Variants in GPHN observed in about 807,000 individuals in gnomAD.
GPHN encodes gephyrin.
Under a neutral mutation model 95.5 loss-of-function variants are expected in GPHN, and 17 were observed. The ratio of observed to expected loss-of-function variants is 0.18; its 90% confidence interval spans 0.12 to 0.27. The LOEUF is 0.27. Among genes scored for constraint, GPHN ranks in the 10% least tolerant of loss-of-function variants. GPHN has a pLI of 1.00. For missense variants in GPHN, 660 were observed against 978.1 expected, an observed-to-expected ratio of 0.67 and a Z score of 4.34; for synonymous variants, 320 against 322.5, an observed-to-expected ratio of 0.99 and a Z score of 0.08.
chr14:67,412,555 G>C, the GPHN span, among the ~76,000 whole-genome samples: 1 of 152,088 alleles, frequency 6.6e-6, no homozygotes, highest in Non-Finnish European at 1.5e-5. Context: ...GCCTCTGATG[G>C]GGGCAGAGAA....
the GPHN span, chr14:67,600,259 T>A: frequency 3.5e-6 from 5 of 1,418,572 alleles, no homozygotes; most frequent in Non-Finnish European, 4.7e-6. Flanking sequence ...TCGCCGGCCC[T>A]GGCCGTCTCG....
chr14:66,639,849 A>T (rs1159538736), intron 1 of GPHN, among the ~76,000 whole-genome samples: 1 of 152,166 alleles, frequency 6.6e-6, no homozygotes, highest in Admixed American at 6.5e-5. Flanking sequence ...ATATATACAT[A>T]TGAAATTTTG....
At chr14:67,725,119 T>C in the GPHN span, 1 of 1,614,190 alleles carries the variant, frequency 6.2e-7, no homozygotes, top group Non-Finnish European at 8.5e-7. Flanking sequence ...CTATATTGCC[T>C]GCAGAGATGT....
At chr14:67,520,478 A>C in the GPHN span, among the ~76,000 whole-genome samples, 25 of 152,342 alleles carry the variant, frequency 1.6e-4, no homozygotes, top group African/African-American at 6.0e-4. Flanking sequence ...AGTAATATAC[A>C]TTTAAGTTGC....
intron 9 of GPHN, among the ~76,000 whole-genome samples, chr14:67,020,475 A>T (rs745365006): frequency 6.6e-6 from 1 of 151,998 alleles, no homozygotes; most frequent in East Asian, 1.9e-4. Flanking sequence ...TGTTCCTTAC[A>T]TTTATTATGT....
chr14:67,338,597 CT>C, the GPHN span: 1 of 1,605,264 alleles, frequency 6.2e-7, no homozygotes. Flanking sequence ...GTTAGGGTTT[CT>C]CAAAGAACCA....
chr14:67,123,929 C>T (rs182001020), intron 17 of GPHN, among the ~76,000 whole-genome samples: 80 of 152,260 alleles, frequency 5.3e-4, no homozygotes, highest in Admixed American at 1.1e-3. Context: ...AAACCTTGGA[C>T]ACAAGCATCT....
intron 1 of GPHN, among the ~76,000 whole-genome samples, chr14:66,675,236 C>T (rs1307328239): frequency 6.6e-6 from 1 of 151,196 alleles, no homozygotes; most frequent in African/African-American, 2.4e-5. Context: ...CTCTGCCTCC[C>T]GAATTCAAGC....
intron 1 of GPHN, among the ~76,000 whole-genome samples, chr14:66,675,917 T>C (rs2066559824): frequency 6.6e-6 from 1 of 152,178 alleles, no homozygotes; most frequent in Admixed American, 6.5e-5. Context: ...TTCAGCTAGT[T>C]GGTTATTCTA....
At chr14:66,690,346 T>C (rs960520116) in intron 2 of GPHN, among the ~76,000 whole-genome samples, 1 of 152,154 alleles carries the variant, frequency 6.6e-6, no homozygotes, top group Non-Finnish European at 1.5e-5. Flanking sequence ...GTTTCAGTAG[T>C]TCCTTTTGTT....
At chr14:66,762,596 A>G (rs530616093) in intron 2 of GPHN, among the ~76,000 whole-genome samples, 2 of 151,020 alleles carry the variant, frequency 1.3e-5, no homozygotes, top group South Asian at 2.1e-4. Context: ...CTGGGATGAC[A>G]TTGTTCTAAG....
At chr14:67,319,884 C>T in the GPHN span, among the ~76,000 whole-genome samples, 4 of 152,304 alleles carry the variant, frequency 2.6e-5, no homozygotes, top group South Asian at 8.3e-4. Context: ...ATATTAATAT[C>T]TGCATTCTTC....
At chr14:67,448,079 C>T in the GPHN span, 1 of 138,524 alleles carries the variant, frequency 7.2e-6, no homozygotes, top group East Asian at 2.4e-4. Context: ...GATTAAGCCA[C>T]TAACATTTCA....
intron 1 of GPHN, among the ~76,000 whole-genome samples, chr14:66,538,276 A>G (rs1358244067): frequency 6.6e-6 from 1 of 151,146 alleles, no homozygotes; most frequent in Non-Finnish European, 1.5e-5. Flanking sequence ...TATGGTGCCT[A>G]GGCATGGGTT....
intron 9 of GPHN, chr14:66,996,045 G>A: frequency 3.5e-6 from 2 of 579,710 alleles, no homozygotes; most frequent in Non-Finnish European, 6.2e-6. Flanking sequence ...TCAAACTCAA[G>A]TGTCTGCTTA....
At chr14:66,765,552 G>T (rs1566920360) in intron 2 of GPHN, among the ~76,000 whole-genome samples, 1 of 152,080 alleles carries the variant, frequency 6.6e-6, no homozygotes. Context: ...CTTATAAGTG[G>T]AAAACATGGA....
chr14:66,832,462 T>C (rs1176997154), intron 4 of GPHN, among the ~76,000 whole-genome samples: 1 of 152,214 alleles, frequency 6.6e-6, no homozygotes, highest in Non-Finnish European at 1.5e-5. Flanking sequence ...ACATAATTGG[T>C]GGATATGTCT....
At chr14:66,932,292 C>CT (rs2066842539) in intron 8 of GPHN, among the ~76,000 whole-genome samples, 1 of 151,924 alleles carries the variant, frequency 6.6e-6, no homozygotes. Flanking sequence ...CTTGTGGCCA[C>CT]CACCACTGGT....
rs149897843 is a variant in GPHN, at chr14:66,676,446, A to G, written c.65-4661A>G. Among the ~76,000 whole-genome samples the G allele has an allele frequency of 1.4e-3, 211 of 151,980 alleles. 4 individuals carry two copies. The East Asian group carries it at 0.023, about 17-fold the overall frequency. On this transcript the variant is annotated intron_variant, in intron 1 of 22. Transcript: ENST00000478722. ...GTGTGATATTGTCTGAGTGTTTTTC[A>G]TATTTGGACTTTATTGTGTTTAGGT...
Sources: gnomAD v4.1 joint callset for allele counts (sites outside exome capture counted in the v4.1 genomes callset) on GRCh38, gnomAD v4.1.1 for gene constraint, MANE v1.5 for transcripts, NCBI Gene and HGNC (gene_info 2026-07-23, HGNC 2026-07-21) for gene names.